SLIT2: variants seen among roughly 807,000 people sequenced by gnomAD.
SLIT2 encodes slit guidance ligand 2.
Under a neutral mutation model 185.7 loss-of-function variants are expected in SLIT2, and 41 were observed. That is an observed-to-expected ratio of 0.22 (90% CI 0.17 to 0.29). SLIT2 has a LOEUF of 0.29. Ranked by LOEUF, SLIT2 falls within the 10% of genes least tolerant of loss-of-function variation. The pLI is 1.00. For missense variants in SLIT2, 1,571 were observed against 1,909.0 expected, an observed-to-expected ratio of 0.82 and a Z score of 3.30; for synonymous variants, 693 against 680.2, an observed-to-expected ratio of 1.02 and a Z score of -0.29.
chr4:20,362,189 C>G (rs1027019730), intron 4 of SLIT2, among the ~76,000 whole-genome samples: 1 of 152,126 alleles, frequency 6.6e-6, no homozygotes, highest in Non-Finnish European at 1.5e-5. Context: ...AAAGGACACA[C>G]TGATTTCTCT....
intron 4 of SLIT2, among the ~76,000 whole-genome samples, chr4:20,322,815 G>T (rs574649647): frequency 6.6e-6 from 1 of 152,060 alleles, no homozygotes; most frequent in Non-Finnish European, 1.5e-5. Flanking sequence ...TGAATTTCAG[G>T]ACTACAGAGA....
intron 4 of SLIT2, among the ~76,000 whole-genome samples, chr4:20,413,772 C>T (rs1727442366): frequency 6.6e-6 from 1 of 151,968 alleles, no homozygotes; most frequent in Admixed American, 6.5e-5. Context: ...ATTTTTCCAT[C>T]CTTTTATTTT....
At chr4:20,404,354 C>A (rs1011987093) in intron 4 of SLIT2, among the ~76,000 whole-genome samples, 2 of 151,838 alleles carry the variant, frequency 1.3e-5, no homozygotes, top group African/African-American at 4.8e-5. Context: ...GTAGCATAGT[C>A]ATTATAAACT....
chr4:20,543,535 A>T (rs1247310499), intron 21 of SLIT2, among the ~76,000 whole-genome samples: 1 of 152,202 alleles, frequency 6.6e-6, no homozygotes, highest in East Asian at 1.9e-4. Context: ...ATTTAAACCC[A>T]AATGTAATTT....
At chr4:20,591,526 T>C (rs1339541335) in intron 30 of SLIT2, among the ~76,000 whole-genome samples, 1 of 152,128 alleles carries the variant, frequency 6.6e-6, no homozygotes, top group Non-Finnish European at 1.5e-5. Context: ...AAAGAATAAA[T>C]TTGATTCTAT....
chr4:20,453,778 A>G (rs1049434880), intron 4 of SLIT2, among the ~76,000 whole-genome samples: 11 of 152,210 alleles, frequency 7.2e-5, no homozygotes, highest in African/African-American at 2.4e-4. Flanking sequence ...TCTGTCAGGC[A>G]CTTATTCTAT....
In SLIT2 at chr4:20,619,149, CTT is replaced by C; in HGVS notation, c.*146_*147del. The C allele has an allele frequency of 1.2e-6, 1 of 809,302 alleles. No homozygotes were observed. Among genetic ancestry groups the C allele is most frequent in the Non-Finnish European group, 1.8e-6 (1 of 566,012 alleles). 50.1% of individuals were successfully genotyped at this position (809,302 alleles called of 1,614,324 possible). ...CTTATTTTTATTATGAGAATAAAGA[CTT>C]TTTTTCTGCATTTGGAAAAAAAAAA... On this transcript the variant is annotated 3_prime_UTR_variant, in exon 37 of 37. Transcript: ENST00000504154.
intron 29 of SLIT2, among the ~76,000 whole-genome samples, chr4:20,585,457 A>C (rs1461901602): frequency 6.6e-6 from 1 of 152,224 alleles, no homozygotes; most frequent in Non-Finnish European, 1.5e-5. Flanking sequence ...CCCATGGCTG[A>C]AAATAAATAA....
intron 4 of SLIT2, among the ~76,000 whole-genome samples, chr4:20,428,388 T>C (rs1347503897): frequency 1.3e-5 from 2 of 152,176 alleles, no homozygotes; most frequent in Non-Finnish European, 2.9e-5. Context: ...TAGGGGAAAA[T>C]ACTATCTTGA....
rs1729953384 is a variant in SLIT2, at chr4:20,619,858, A to G, written c.*849A>G. On this transcript the variant is annotated 3_prime_UTR_variant, in exon 37 of 37. Transcript: ENST00000504154. ...TTCCTTGATGCTTTAATATATATTA[A>G]TTTATAATTATCCTGATATTTTTGT... 1 of 151,662 alleles carries G rather than the reference A, an allele frequency of 6.6e-6. No homozygotes were observed. Among genetic ancestry groups the G allele is most frequent in the Admixed American group, 6.6e-5 (1 of 15,242 alleles). The allele number at this position is 151,662 out of a possible 1,614,324, so 9.4% of individuals were successfully genotyped here.
At chr4:20,560,794 T>C (rs1316269963) in intron 26 of SLIT2, among the ~76,000 whole-genome samples, 1 of 151,868 alleles carries the variant, frequency 6.6e-6, no homozygotes, top group African/African-American at 2.4e-5. Context: ...AACAGACTCA[T>C]GGAGATGAAT....
chr4:20,277,707 G>C (rs563320847), intron 4 of SLIT2, among the ~76,000 whole-genome samples: 2 of 146,436 alleles, frequency 1.4e-5, no homozygotes, highest in South Asian at 4.3e-4. Context: ...CATTAATTTG[G>C]ATATAGCTAC....
At chr4:20,270,347 A>G (rs1713473417) in intron 4 of SLIT2, among the ~76,000 whole-genome samples, 1 of 151,996 alleles carries the variant, frequency 6.6e-6, no homozygotes, top group Non-Finnish European at 1.5e-5. Context: ...AATCCATTGC[A>G]GAATCCCTCA....
chr4:20,463,491 A>ATATATATATATG (rs1491274435), intron 4 of SLIT2, among the ~76,000 whole-genome samples: 20 of 96,214 alleles, frequency 2.1e-4, no homozygotes, highest in Non-Finnish European at 2.6e-4. Context: ...ATATATATAT[A>ATATATATATATG]TGTGTGTGTG....
At chr4:20,467,080 G>T (rs1714440381) in intron 4 of SLIT2, among the ~76,000 whole-genome samples, 1 of 152,086 alleles carries the variant, frequency 6.6e-6, no homozygotes. Context: ...AGAGTGCTTT[G>T]TTCAGTGATT....
chr4:20,283,385 T>C (rs1714977190), intron 4 of SLIT2, among the ~76,000 whole-genome samples: 1 of 152,182 alleles, frequency 6.6e-6, no homozygotes, highest in African/African-American at 2.4e-5. Context: ...AATTTGGAGA[T>C]GATTGGTGGA....
chr4:20,372,970 A>G (rs1405950860), intron 4 of SLIT2, among the ~76,000 whole-genome samples: 2 of 152,098 alleles, frequency 1.3e-5, no homozygotes, highest in Non-Finnish European at 2.9e-5. Context: ...GCATGTTTAC[A>G]TTTACGAACA....
rs1716797847 is a variant in SLIT2, at chr4:20,482,438, T to C, written c.539+1651T>C. ...AACACTATGCTAGGCACTGAAATCT[T>C]TTACCCACAAATACAATAACTACAT... On this transcript the variant is annotated intron_variant, in intron 6 of 36. Transcript: ENST00000504154. Among the ~76,000 whole-genome samples the C allele has an allele frequency of 2.0e-5, 3 of 152,118 alleles. No individual in the cohort carries two copies. In the South Asian group the frequency reaches 6.2e-4, roughly 32 times the overall value.
At chr4:20,279,996 A>G (rs958658988) in intron 4 of SLIT2, among the ~76,000 whole-genome samples, 6 of 152,080 alleles carry the variant, frequency 3.9e-5, no homozygotes, top group Non-Finnish European at 8.8e-5. Context: ...TGAATTTGGG[A>G]TGATATATGT....
Sources: allele counts gnomAD v4.1 joint callset (sites outside exome capture counted in the v4.1 genomes callset), GRCh38; gene constraint gnomAD v4.1.1; transcripts MANE v1.5; gene names NCBI Gene and HGNC (gene_info 2026-07-23, HGNC 2026-07-21).